Variants in C2CD5 observed in about 807,000 individuals in gnomAD.
C2CD5 encodes C2 calcium dependent domain containing 5, also known as C2 domain-containing protein 5.
C2CD5 carries 109 observed loss-of-function variants against 130.3 expected under a neutral mutation model. The ratio of observed to expected loss-of-function variants is 0.84; its 90% confidence interval spans 0.72 to 0.98. The LOEUF (loss-of-function observed/expected upper bound fraction) is 0.98, where lower values mean the gene tolerates loss of function less well. Among genes scored for constraint, C2CD5 ranks in the 50% least tolerant of loss-of-function variants. The pLI is 0.00. For missense variants in C2CD5, 996 were observed against 1,261.8 expected (o/e 0.79, Z 3.19); for synonymous variants, 454 against 429.2 (o/e 1.06, Z -0.71).
intron 23 of C2CD5, chr12:22,458,969 T>C (rs1233326589): frequency 1.3e-5 from 2 of 158,128 alleles, no homozygotes; most frequent in Admixed American, 1.3e-4. Flanking sequence ...GCTTTGTGAA[T>C]AATTCATTTC....
At chr12:22,532,131 G>A (rs948239592) in intron 3 of C2CD5, among the ~76,000 whole-genome samples, 1 of 152,208 alleles carries the variant, frequency 6.6e-6, no homozygotes, top group South Asian at 2.1e-4. Flanking sequence ...GCGAGTTTGA[G>A]AACAGCTTGA....
At chr12:22,540,329 T>C (rs957731834) in intron 2 of C2CD5, among the ~76,000 whole-genome samples, 7 of 152,220 alleles carry the variant, frequency 4.6e-5, no homozygotes, top group African/African-American at 1.7e-4. Flanking sequence ...TGGTATATGC[T>C]AAAATCTAGA....
At position 22,472,054 on chromosome 12, in the gene C2CD5, T is replaced by C. The variant is rs1943121596; in HGVS notation, c.2181A>G (p.Ser727=). The change falls in exon 19 of 27, where the codon TCA becomes TCG. Residue 727 remains serine (S), a synonymous_variant. Transcript: ENST00000446597. The part of the protein sequence containing the change: ...NWTSEIQMFT[S]VRVIRLSSLN... The stretch of plus-strand genomic sequence containing the variant: ...GGCTGCTTAATCTGATTACTCTTAC[T>C]GAAGTGAACATCTAAATGTGGGGTG... 6.4e-7 allele frequency: 1 copy of C among 1,561,804 alleles called. No individual in the cohort carries two copies. The highest frequency in any genetic ancestry group is 8.8e-7 in the Non-Finnish European group (1 of 1,139,338).
chr12:22,486,241 A>G (rs1219991711), intron 12 of C2CD5, among the ~76,000 whole-genome samples: 1 of 150,764 alleles, frequency 6.6e-6, no homozygotes, highest in East Asian at 1.9e-4. Flanking sequence ...TGCTTAAGGG[A>G]CAGCTCTACT....
intron 22 of C2CD5, among the ~76,000 whole-genome samples, chr12:22,462,367 T>C (rs2136065445): frequency 6.6e-6 from 1 of 152,338 alleles, no homozygotes; most frequent in East Asian, 1.9e-4. Flanking sequence ...TATTATAATT[T>C]GGTTTCCCAC....
At chr12:22,496,986 TA>T (rs1223276139) in intron 10 of C2CD5, among the ~76,000 whole-genome samples, 1 of 152,054 alleles carries the variant, frequency 6.6e-6, no homozygotes, top group East Asian at 1.9e-4. Flanking sequence ...GTGAAACTGG[TA>T]AAATTCTAAA....
intron 10 of C2CD5, among the ~76,000 whole-genome samples, chr12:22,504,835 T>G (rs1948273633): frequency 6.8e-6 from 1 of 147,046 alleles, no homozygotes; most frequent in Non-Finnish European, 1.5e-5. Context: ...AGATATAGAA[T>G]TTGGCATAGT....
rs1365033493 is a variant in C2CD5, at chr12:22,526,439, T to C, written c.350-734A>G. ...AAAATTAAGTAATTTACAGTGTCAA[T>C]AGCTGTTAAGTGGCAGATCCAGGAT... On this transcript the variant is annotated intron_variant, in intron 4 of 26. Transcript: ENST00000446597. Among the ~76,000 whole-genome samples the C allele has an allele frequency of 2.6e-5, 4 of 152,228 alleles. No individual in the cohort carries two copies. The South Asian group carries it at 6.2e-4, about 24-fold the overall frequency.
intron 26 of C2CD5, among the ~76,000 whole-genome samples, chr12:22,453,458 T>C (rs1433959336): frequency 6.6e-6 from 1 of 152,208 alleles, no homozygotes; most frequent in African/African-American, 2.4e-5. Flanking sequence ...ACTGCTTTCA[T>C]CCCCATTAAG....
chr12:22,491,832 A>G (rs910371395), intron 11 of C2CD5, among the ~76,000 whole-genome samples: 2 of 147,404 alleles, frequency 1.4e-5, no homozygotes, highest in African/African-American at 4.9e-5. Context: ...AAATCACACC[A>G]TTGCACTCCA....
At chr12:22,519,087 C>T (rs1950034769) in intron 7 of C2CD5, 1 of 1,526,838 alleles carries the variant, frequency 6.5e-7, no homozygotes, top group Non-Finnish European at 8.8e-7. Flanking sequence ...TGCATCTCCC[C>T]AGCTCTGGAG....
chr12:22,518,303 C>A (rs1444483042), intron 7 of C2CD5, among the ~76,000 whole-genome samples, 166 bp from the exon 8 acceptor site: 3 of 152,134 alleles, frequency 2.0e-5, no homozygotes, highest in Non-Finnish European at 4.4e-5. Context: ...TTTAACCATT[C>A]ATCACTCTCC....
rs1272777090 is a variant in C2CD5 at position 22,453,937 on chromosome 12, T to C, written c.2983A>G (p.Met995Val). Residue 995 changes from methionine (M) to valine (V), a missense_variant, in exon 26 of 27, where the codon ATG becomes GTG. By Grantham distance (21) the Met-to-Val change is conservative. Transcript: ENST00000446597. ...LGGNAVVSYIMKQCVFMENPN... is the reference protein window; with the variant it reads ...LGGNAVVSYIVKQCVFMENPN... ...TTCTCCATGAAGACACACTGCTTCA[T>C]TATGTAGGAGACAACAGCATTCCCT... 7 of 1,613,720 alleles carry C rather than the reference T, an allele frequency of 4.3e-6. No individual in the cohort carries two copies. The highest frequency in any genetic ancestry group is 5.9e-6 in the Non-Finnish European group (7 of 1,179,730).
chr12:22,458,124 C>T (rs915229082), intron 24 of C2CD5, among the ~76,000 whole-genome samples: 2 of 152,096 alleles, frequency 1.3e-5, no homozygotes, highest in African/African-American at 4.8e-5. Flanking sequence ...GCATATCACA[C>T]TTAATAAACC....
chr12:22,520,828 A>G (rs552904010), intron 7 of C2CD5, among the ~76,000 whole-genome samples: 84 of 152,250 alleles, frequency 5.5e-4, no homozygotes, highest in African/African-American at 1.8e-3. Context: ...CATGACACTA[A>G]ACATCAAAAA....
At chr12:22,461,391 A>G (rs970485681) in intron 22 of C2CD5, among the ~76,000 whole-genome samples, 4 of 152,202 alleles carry the variant, frequency 2.6e-5, no homozygotes, top group African/African-American at 7.2e-5. Context: ...AATCTTTTCT[A>G]TACCTTGATA....
chr12:22,507,872 G>C (rs1263804298), intron 9 of C2CD5, among the ~76,000 whole-genome samples: 1 of 152,104 alleles, frequency 6.6e-6, no homozygotes, highest in Non-Finnish European at 1.5e-5. Context: ...TTATTCATAG[G>C]AGACTCCCAC....
intron 23 of C2CD5, among the ~76,000 whole-genome samples, chr12:22,459,217 A>G (rs1304156034): frequency 6.6e-6 from 1 of 152,150 alleles, no homozygotes; most frequent in Non-Finnish European, 1.5e-5. Flanking sequence ...TTTTAAAAAC[A>G]ATAACTTTTA....
At chr12:22,470,973 A>G (rs1225735673) in intron 20 of C2CD5, 62 bp from the exon 21 acceptor site, 11 of 1,235,744 alleles carry the variant, frequency 8.9e-6, no homozygotes, top group South Asian at 1.3e-5. Context: ...AGTTTCTTAC[A>G]TATTTTTTTC....
Sources: allele counts gnomAD v4.1 joint callset (sites outside exome capture counted in the v4.1 genomes callset), GRCh38; gene constraint gnomAD v4.1.1; transcripts MANE v1.5; gene names NCBI Gene and HGNC (gene_info 2026-07-23, HGNC 2026-07-21).